Variants in EEF1A2 observed in about 807,000 individuals in gnomAD.
The protein encoded by EEF1A2 is elongation factor 1-alpha 2.
Under a neutral mutation model 39.3 loss-of-function variants are expected in EEF1A2, and 5 were observed. That is an observed-to-expected ratio of 0.13 (90% CI 0.07 to 0.27). The LOEUF is 0.27. EEF1A2 is among the 10% of genes least tolerant of loss of function. The pLI is 1.00. For synonymous variants in EEF1A2, 287 were observed against 293.7 expected (o/e 0.98, Z 0.23); for missense variants, 218 against 681.4 (o/e 0.32, Z 7.57).
chr20:63,496,709 G>C (rs1228784549), intron 2 of EEF1A2: 1 of 152,800 alleles, frequency 6.5e-6, no homozygotes, highest in Non-Finnish European at 1.5e-5. Context: ...CCAGGGCCTC[G>C]CACAGACAGG....
rs200634874 is a variant in EEF1A2 at position 63,488,440 on chromosome 20, G to T, written c.1265-15C>A. On this transcript the variant is annotated splice_polypyrimidine_tract_variant and intron_variant, in intron 7 of 7. Transcript: ENST00000217182. ...GGCGAAGCGGCCTGGGGGGCGGGGGGCGGCGTGTGGGCGGGGCCGGAGGAC... is the reference window on the plus strand; with the variant it reads ...GGCGAAGCGGCCTGGGGGGCGGGGGTCGGCGTGTGGGCGGGGCCGGAGGAC... 14 of 1,429,478 alleles carry T rather than the reference G, an allele frequency of 9.8e-6. 2 individuals are homozygous for T. The highest frequency in any genetic ancestry group is 1.5e-5 in the African/African-American group (1 of 66,284). 88.5% of individuals were successfully genotyped at this position (1,429,478 alleles called of 1,614,324 possible).
At position 63,491,866 on chromosome 20, in the gene EEF1A2, GTGGATGGATAGATGGATGGA is replaced by G. The variant is rs751900085; in HGVS notation, c.773-1151_773-1132del. 8.0e-4 allele frequency among the ~76,000 whole-genome samples: 79 copies of G among 99,318 alleles called. 2 individuals carry two copies. The highest frequency in any genetic ancestry group is 8.3e-3 in the Middle Eastern group (1 of 120). 65.2% of individuals were successfully genotyped at this position (99,318 alleles called of 152,430 possible). On this transcript the variant is annotated intron_variant, in intron 5 of 7. Coordinates refer to ENST00000217182, the MANE Select transcript of EEF1A2 (RefSeq NM_001958.5). ...GGTGGATGAATGGATGGATGGGGAG[GTGGATGGATAGATGGATGGA>G]TGGATGGATGGATGGATGGATGGAT...
rs1164462388 is a variant in EEF1A2 at position 63,488,261 on chromosome 20, C to T, written c.*37G>A. 2.4e-4 allele frequency: 246 copies of T among 1,023,670 alleles called. 1 individual carries two copies. The highest frequency in any genetic ancestry group is 1.5e-3 in the Middle Eastern group (3 of 2,062). 63.4% of individuals were successfully genotyped at this position (1,023,670 alleles called of 1,614,324 possible). On this transcript the variant is annotated 3_prime_UTR_variant, in exon 8 of 8. Transcript: ENST00000217182. ...CCCGGGCCCGGGGTTCGGAGCGCGG[C>T]ACCGCCGGGGAGGGTCGCGCCGCGG...
rs1359726756 is a variant in EEF1A2 at position 63,498,889 on chromosome 20, C to T, written c.-72+169G>A. 1 of 149,952 alleles carries T rather than the reference C, an allele frequency of 6.7e-6. No individual in the cohort carries two copies. The highest frequency in any genetic ancestry group is 1.5e-5 in the Non-Finnish European group (1 of 67,288). 9.3% of individuals were successfully genotyped at this position (149,952 alleles called of 1,614,324 possible). ...GGCCCCGCCGCCCCGCGCCGCCCCCCACCCCGGGCCCAGCCCGGCCGACGC... is the reference window on the plus strand; with the variant it reads ...GGCCCCGCCGCCCCGCGCCGCCCCCTACCCCGGGCCCAGCCCGGCCGACGC... On this transcript the variant is annotated intron_variant, in intron 1 of 7. Coordinates refer to ENST00000217182, the MANE Select transcript of EEF1A2 (RefSeq NM_001958.5). This position sits in a 1 kb window ranked among gnomAD's most constrained non-coding sequence, Gnocchi z 4.1.
intron 4 of EEF1A2, among the ~76,000 whole-genome samples, chr20:63,493,558 A>G (rs1301392210): frequency 6.6e-6 from 1 of 152,192 alleles, no homozygotes; most frequent in Non-Finnish European, 1.5e-5. Context: ...GACACTGTGA[A>G]CAAATCCCCA....
At chr20:63,491,916 GGATA>G (rs1426493153) in intron 5 of EEF1A2, among the ~76,000 whole-genome samples, 11 of 120,398 alleles carry the variant, frequency 9.1e-5, no homozygotes, top group African/African-American at 1.4e-4. Context: ...ATGGATGGGG[GGATA>G]GATGGATGGA....
At chr20:63,488,501 G>A in intron 7 of EEF1A2, 76 bp from the exon 8 acceptor site, 1 of 1,314,738 alleles carries the variant, frequency 7.6e-7, no homozygotes, top group Non-Finnish European at 9.7e-7. Flanking sequence ...TGGCCGGGCG[G>A]GGGCGCAACC....
rs200931909 is a variant in EEF1A2, at chr20:63,488,929, T to A, written c.1253A>T (p.Tyr418Phe). 2 of 1,572,490 alleles carry A rather than the reference T, an allele frequency of 1.3e-6. No homozygotes were observed. Among genetic ancestry groups the A allele is most frequent in the Non-Finnish European group, 1.7e-6 (2 of 1,162,888 alleles). Residue 418 changes from tyrosine to phenylalanine, a missense_variant, in exon 7 of 8, where the codon TAC becomes TTC. Transcript: ENST00000217182. ...KPMCVESFSQ[Y>F]PPLGRFAVRD... ...CCACCCCGGCTCACCGAGAGGCGGGTACTGGGAGAAGCTCTCCACACACAT... is the reference window on the plus strand; with the variant it reads ...CCACCCCGGCTCACCGAGAGGCGGGAACTGGGAGAAGCTCTCCACACACAT...
rs1185812469 is a variant in EEF1A2 at position 63,498,578 on chromosome 20, CCCT to C, written c.-72+477_-72+479del. The C allele has an allele frequency of 7.1e-6, 1 of 140,252 alleles. No homozygotes were observed. The highest frequency in any genetic ancestry group is 3.1e-5 in the African/African-American group (1 of 32,074). The allele number at this position is 140,252 out of a possible 1,614,324, so 8.7% of individuals were successfully genotyped here. On this transcript the variant is annotated intron_variant, in intron 1 of 7. Coordinates refer to ENST00000217182, the MANE Select transcript of EEF1A2 (RefSeq NM_001958.5). The surrounding 1 kb of genome is among the most constrained non-coding windows in gnomAD (Gnocchi z 4.1). ...TAGGGGGCACCCTCCCTCCCCCCCT[CCCT>C]GTGACTCAGGACCCTGGGTCACAGC... is the stretch of plus-strand genomic sequence containing the variant.
At chr20:63,496,311 C>G in intron 2 of EEF1A2, 1 of 492,500 alleles carries the variant, frequency 2.0e-6, no homozygotes, top group South Asian at 2.5e-5. Flanking sequence ...GTCGCTCGCT[C>G]TACGAGCGAA....
rs1395851413 is a variant in EEF1A2 at position 63,498,012 on chromosome 20, T to C, written c.-71-178A>G. On this transcript the variant is annotated intron_variant, in intron 1 of 7. Transcript: ENST00000217182. This position sits in a 1 kb window ranked among gnomAD's most constrained non-coding sequence, Gnocchi z 4.1. ...GGGCCTGGCCAGGGCAAGCAGAGGC[T>C]GTGCACTGCCCCCACCCCACACTTG... 6.3e-6 allele frequency: 3 copies of C among 475,910 alleles called. No individual in the cohort carries two copies. Among genetic ancestry groups the C allele is most frequent in the Non-Finnish European group, 1.1e-5 (3 of 267,586 alleles). 29.5% of individuals were successfully genotyped at this position (475,910 alleles called of 1,614,324 possible).
chr20:63,488,434 C>T lies in EEF1A2; in HGVS notation c.1265-9G>A. The T allele has an allele frequency of 1.4e-6, 2 of 1,389,700 alleles. No individual in the cohort carries two copies. Among genetic ancestry groups the T allele is most frequent in the South Asian group, 1.4e-5 (1 of 70,866 alleles). The allele number at this position is 1,389,700 out of a possible 1,614,324, so 86.1% of individuals were successfully genotyped here. ...GCGCACGGCGAAGCGGCCTGGGGGG[C>T]GGGGGGCGGCGTGTGGGCGGGGCCG... On this transcript the variant is annotated splice_polypyrimidine_tract_variant and intron_variant, in intron 7 of 7. Coordinates refer to ENST00000217182, the MANE Select transcript of EEF1A2 (RefSeq NM_001958.5).
At chr20:63,490,048 T>C (rs576993042) in intron 6 of EEF1A2, 23 of 168,714 alleles carry the variant, frequency 1.4e-4, no homozygotes, top group African/African-American at 5.6e-4. Context: ...GCCCCCTCGG[T>C]GGTATGCGGG....
chr20:63,496,287 G>C (rs955648122), intron 2 of EEF1A2: 1 of 544,764 alleles, frequency 1.8e-6, no homozygotes. Flanking sequence ...AGCAGGTGGC[G>C]CAAGGGCCTG....
chr20:63,492,535 A>AAGGAT (rs2082392491), intron 5 of EEF1A2, among the ~76,000 whole-genome samples: 1 of 50,926 alleles, frequency 2.0e-5, no homozygotes, highest in Non-Finnish European at 3.4e-5. Context: ...GATGGATGGA[A>AAGGAT]GGATGGATGG....
chr20:63,496,238 G>A (rs1468261638), intron 2 of EEF1A2: 7 of 619,932 alleles, frequency 1.1e-5, no homozygotes, highest in Admixed American at 3.0e-5. Flanking sequence ...GCCGGCCTCC[G>A]CACCTGCTCC....
Position 63,489,007 on chromosome 20 carries a change from T to C in EEF1A2, c.1175A>G (p.Lys392Arg). The change falls in exon 7 of 8, where the codon AAG becomes AGG. Residue 392 changes from lysine to arginine, a missense_variant. Coordinates refer to ENST00000217182, the MANE Select transcript of EEF1A2 (RefSeq NM_001958.5). Reference sequence around the variant, plus strand: ...GGCCGCGTCTCCAGACTTCAGGGACTTGGGGTTGTCCTCCAGCTTCTTGCC... The same window carrying C: ...GGCCGCGTCTCCAGACTTCAGGGACCTGGGGTTGTCCTCCAGCTTCTTGCC... ...RSGKKLEDNP[K>R]SLKSGDAAIV... The C allele has an allele frequency of 6.2e-7, 1 of 1,612,676 alleles. No individual in the cohort carries two copies.
Position 63,488,905 on chromosome 20 carries a change from C to A in EEF1A2, c.1264+13G>T. 1 of 1,607,772 alleles carries A rather than the reference C, an allele frequency of 6.2e-7. No homozygotes were observed. Among genetic ancestry groups the A allele is most frequent in the East Asian group, 2.2e-5 (1 of 44,858 alleles). Reference sequence around the variant, plus strand: ...GCCTGGGGGCTGCACCTCCCCGGACCACCCCGGCTCACCGAGAGGCGGGTA... The same window carrying A: ...GCCTGGGGGCTGCACCTCCCCGGACAACCCCGGCTCACCGAGAGGCGGGTA... On this transcript the variant is annotated intron_variant, in intron 7 of 7. Transcript: ENST00000217182.
At position 63,494,898 on chromosome 20, in the gene EEF1A2, G is replaced by A. The variant is rs750408079; in HGVS notation, c.528C>T (p.Ala176=). 1 of 1,612,794 alleles carries A rather than the reference G, an allele frequency of 6.2e-7. No individual in the cohort carries two copies. Among genetic ancestry groups the A allele is most frequent in the Admixed American group, 1.7e-5 (1 of 60,024 alleles). ...GGTTGTAGCCGATCTTCTTGATGTA[G>A]GCGCTGACTTCCTTGACGATCTCGT... ...RYDEIVKEVS[A]YIKKIGYNPA... Residue 176 remains alanine, a synonymous_variant, in exon 4 of 8, where the codon GCC becomes GCT. Transcript: ENST00000217182.
Sources: allele counts gnomAD v4.1 joint callset (sites outside exome capture counted in the v4.1 genomes callset), GRCh38; gene constraint gnomAD v4.1.1; non-coding constraint Gnocchi (gnomAD v3.1); transcripts MANE v1.5; gene names NCBI Gene and HGNC (gene_info 2026-07-23, HGNC 2026-07-21).